Variants in MBD5 observed in about 807,000 individuals in gnomAD.
MBD5 encodes methyl-CpG-binding domain protein 5.
MBD5 carries 13 observed loss-of-function variants against 117.3 expected under a neutral mutation model. That is an observed-to-expected ratio of 0.11 (90% confidence interval 0.07 to 0.18). MBD5 has a LOEUF of 0.18. Among genes scored for constraint, MBD5 ranks in the 10% least tolerant of loss-of-function variants. The pLI, the probability that MBD5 is intolerant of heterozygous loss-of-function variation, is 1.00. For missense variants in MBD5, 1,879 were observed against 2,093.8 expected (o/e 0.90, Z 2.00); for synonymous variants, 727 against 766.4 (o/e 0.95, Z 0.85).
chr2:148,348,644 A>G (rs1174321358), intron 4 of MBD5, among the ~76,000 whole-genome samples: 1 of 152,036 alleles, frequency 6.6e-6, no homozygotes, highest in East Asian at 1.9e-4. Context: ...AAATAATCCT[A>G]ATAAGAATTT....
intron 10 of MBD5, among the ~76,000 whole-genome samples, chr2:148,486,549 C>A (rs1174879454): frequency 6.6e-6 from 1 of 151,930 alleles, no homozygotes; most frequent in Non-Finnish European, 1.5e-5. Context: ...CTAAACAAAG[C>A]TAAAGACAAA....
intron 1 of MBD5, among the ~76,000 whole-genome samples, chr2:148,150,977 T>C (rs1194315846): frequency 1.6e-3 from 243 of 151,370 alleles, no homozygotes; most frequent in African/African-American, 5.5e-3. Flanking sequence ...TCCAACACTA[T>C]GTTGAATAGG....
At chr2:148,120,698 T>G (rs1265857190) in intron 1 of MBD5, among the ~76,000 whole-genome samples, 1 of 152,236 alleles carries the variant, frequency 6.6e-6, no homozygotes, top group Non-Finnish European at 1.5e-5. Flanking sequence ...CTTAGGATTT[T>G]CTCTGCATAA....
chr2:148,358,102 C>T (rs1431567838), intron 4 of MBD5, among the ~76,000 whole-genome samples: 1 of 152,092 alleles, frequency 6.6e-6, no homozygotes, highest in Non-Finnish European at 1.5e-5. Flanking sequence ...TGTGGTGTTA[C>T]TTATTTTTTA....
chr2:148,419,729 C>T (rs1261274193), intron 4 of MBD5, among the ~76,000 whole-genome samples: 2 of 152,228 alleles, frequency 1.3e-5, no homozygotes, highest in East Asian at 3.9e-4. Context: ...CAGCCACCCT[C>T]TACCTACCTT....
rs114107819 is a variant in MBD5 at position 148,223,333 on chromosome 2, T to C, written c.-830-9912T>C. 3.9e-3 allele frequency among the ~76,000 whole-genome samples: 589 copies of C among 152,168 alleles called. 1 individual carries two copies. The highest frequency in any genetic ancestry group is 6.4e-3 in the Non-Finnish European group (437 of 67,934). ...CTGTTTTTTGGAGTAGTTTGAGTAG[T>C]ATTGGTATTCATTTTTTAAATATTT... is the stretch of plus-strand genomic sequence containing the variant. On this transcript the variant is annotated intron_variant, in intron 2 of 13. Coordinates refer to ENST00000642680, the MANE Select transcript of MBD5 (RefSeq NM_001378120.1).
intron 1 of MBD5, among the ~76,000 whole-genome samples, chr2:148,082,489 CTTCT>C (rs1487808824): frequency 3.9e-5 from 6 of 151,996 alleles, no homozygotes; most frequent in Non-Finnish European, 8.8e-5. Context: ...CCTTTTTGTC[CTTCT>C]ATTTCTTCTC....
Position 148,515,053 on chromosome 2 carries a change from G to C in MBD5, c.*2112G>C, listed in dbSNP as rs1426411751. The C allele has an allele frequency of 6.6e-6, 1 of 152,114 alleles. No homozygotes were observed. The highest frequency in any genetic ancestry group is 1.9e-4 in the East Asian group (1 of 5,192). 9.4% of individuals were successfully genotyped at this position (152,114 alleles called of 1,614,324 possible). On this transcript the variant is annotated 3_prime_UTR_variant, in exon 14 of 14. Transcript: ENST00000642680. Reference sequence around the variant, plus strand: ...TGTTTATAAGTTAAAAGTTGATGTGGCTAGTATGTTTAAACCATTAATGTC... The same window carrying C: ...TGTTTATAAGTTAAAAGTTGATGTGCCTAGTATGTTTAAACCATTAATGTC...
At chr2:148,476,453 G>T (rs932376937) in intron 8 of MBD5, among the ~76,000 whole-genome samples, 5 of 151,772 alleles carry the variant, frequency 3.3e-5, no homozygotes, top group Admixed American at 2.6e-4. Flanking sequence ...TATTCTATTT[G>T]GTATTTTTTA....
Position 148,375,284 on chromosome 2 carries a change from C to G in MBD5, c.-557+32948C>G, listed in dbSNP as rs116662397. Among the ~76,000 whole-genome samples, 461 of 152,256 alleles carry G rather than the reference C, an allele frequency of 3.0e-3. 1 individual carries two copies. Among genetic ancestry groups the G allele is most frequent in the Non-Finnish European group, 4.6e-3 (312 of 68,018 alleles). ...TGCAAACCACATAATCCTCACTGAC[C>G]AGTATAACAGCAAAAGGAACATGTT... On this transcript the variant is annotated intron_variant, in intron 4 of 13. Transcript: ENST00000642680.
intron 3 of MBD5, among the ~76,000 whole-genome samples, chr2:148,286,442 A>T (rs982789155): frequency 5.3e-5 from 8 of 152,162 alleles, no homozygotes; most frequent in Non-Finnish European, 8.8e-5. Context: ...CATTGATTTT[A>T]ATTTTCCAGA....
chr2:148,064,405 G>A, intron 1 of MBD5, among the ~76,000 whole-genome samples: 1 of 151,250 alleles, frequency 6.6e-6, no homozygotes, highest in South Asian at 2.1e-4. Flanking sequence ...GTGAGCCACC[G>A]CGCCCGGCCC....
At position 148,295,817 on chromosome 2, in the gene MBD5, G is replaced by A. The variant is rs539114262; in HGVS notation, c.-679-46397G>A. The A allele has an allele frequency of 3.0e-3, 514 of 172,836 alleles. 2 individuals carry two copies. The highest frequency in any genetic ancestry group is 5.6e-4 in the Non-Finnish European group (46 of 82,040). The allele number at this position is 172,836 out of a possible 1,614,324, so 10.7% of individuals were successfully genotyped here. On this transcript the variant is annotated intron_variant, in intron 3 of 13. Transcript: ENST00000642680. ...TCCCCTGAAGTGTTACACAGACAAAGTTCTAAACGAAAAACTACCTAGTAA... is the reference window on the plus strand; with the variant it reads ...TCCCCTGAAGTGTTACACAGACAAAATTCTAAACGAAAAACTACCTAGTAA...
intron 3 of MBD5, among the ~76,000 whole-genome samples, chr2:148,341,118 T>G (rs17355354): frequency 0.15 from 23,462 of 151,970 alleles, 2,144 homozygotes; most frequent in Non-Finnish European, 0.18. Context: ...AGGATGATTT[T>G]CATTCAGCTT....
chr2:148,176,968 C>T (rs888057707), intron 1 of MBD5, among the ~76,000 whole-genome samples: 4 of 151,494 alleles, frequency 2.6e-5, no homozygotes, highest in Non-Finnish European at 5.9e-5. Context: ...TGGAATATAA[C>T]ATTTCCCTCT....
At chr2:148,352,133 G>T (rs1703264544) in intron 4 of MBD5, among the ~76,000 whole-genome samples, 3 of 151,948 alleles carry the variant, frequency 2.0e-5, no homozygotes, top group Admixed American at 6.6e-5. Flanking sequence ...GCAGAGGAAG[G>T]CTCTGGACAA....
intron 2 of MBD5, among the ~76,000 whole-genome samples, chr2:148,224,675 G>C (rs552692116): frequency 8.6e-5 from 13 of 151,808 alleles, no homozygotes; most frequent in Non-Finnish European, 1.8e-4. Flanking sequence ...CTAGCTATTA[G>C]TGTATTGGGG....
At chr2:148,317,766 A>G (rs1702188640) in intron 3 of MBD5, among the ~76,000 whole-genome samples, 1 of 152,118 alleles carries the variant, frequency 6.6e-6, no homozygotes, top group South Asian at 2.1e-4. Flanking sequence ...AGTTCCACCC[A>G]TGTTGCTGCA....
At chr2:148,325,164 C>T (rs1574288476) in intron 3 of MBD5, among the ~76,000 whole-genome samples, 1 of 152,266 alleles carries the variant, frequency 6.6e-6, no homozygotes, top group Non-Finnish European at 1.5e-5. Context: ...TTGAACCAGC[C>T]TTGCATCCCA....
Sources: gnomAD v4.1 joint callset for allele counts (sites outside exome capture counted in the v4.1 genomes callset) on GRCh38, gnomAD v4.1.1 for gene constraint, MANE v1.5 for transcripts, NCBI Gene and HGNC (gene_info 2026-07-23, HGNC 2026-07-21) for gene names.